VWC2L: variants seen among roughly 807,000 people sequenced by gnomAD.
VWC2L encodes von Willebrand factor C domain containing 2 like, also known as von Willebrand factor C domain-containing protein 2-like.
VWC2L carries 10 observed loss-of-function variants against 21.6 expected under a neutral mutation model. The ratio of observed to expected loss-of-function variants is 0.46; its 90% CI spans 0.29 to 0.78. The LOEUF is 0.78. Among genes scored for constraint, VWC2L ranks in the 30% least tolerant of loss-of-function variants. The pLI is 0.10. For missense variants in VWC2L, 209 were observed against 277.1 expected, an observed-to-expected ratio of 0.75 and a Z score of 1.74; for synonymous variants, 96 against 94.3, an observed-to-expected ratio of 1.02 and a Z score of -0.10.
Position 214,436,547 on chromosome 2 carries a change from G to A in VWC2L, c.391-82G>A. On this transcript the variant is annotated intron_variant, in intron 2 of 3. Coordinates refer to ENST00000312504, the MANE Select transcript of VWC2L (RefSeq NM_001080500.4). ...CAGTAAAGCCAATATAATAAGCACTGATGTTTTGTCTTCTGACAGCATATG... is the reference window on the plus strand; with the variant it reads ...CAGTAAAGCCAATATAATAAGCACTAATGTTTTGTCTTCTGACAGCATATG... 4 of 1,517,560 alleles carry A rather than the reference G, an allele frequency of 2.6e-6. No individual in the cohort carries two copies. In the East Asian group the frequency reaches 9.1e-5, roughly 34 times the overall value. 94.0% of individuals were successfully genotyped at this position (1,517,560 alleles called of 1,614,324 possible).
chr2:214,507,372 G>C (rs1220004150), intron 3 of VWC2L, among the ~76,000 whole-genome samples: 1 of 152,090 alleles, frequency 6.6e-6, no homozygotes, highest in Non-Finnish European at 1.5e-5. Context: ...GAATGACTTA[G>C]ACAAAGTAAT....
intron 3 of VWC2L, among the ~76,000 whole-genome samples, chr2:214,496,516 C>A (rs4378808): frequency 0.23 from 34,994 of 151,814 alleles, 4,184 homozygotes; most frequent in Admixed American, 0.26. Flanking sequence ...CATTGATAGA[C>A]CTCCTAATTA....
chr2:214,559,138 C>T (rs553783485), intron 3 of VWC2L, among the ~76,000 whole-genome samples: 7 of 150,586 alleles, frequency 4.6e-5, no homozygotes, highest in Non-Finnish European at 1.0e-4. Context: ...AGCAAATTTA[C>T]AAGAAAAAAA....
At chr2:214,512,284 A>G (rs886540904) in intron 3 of VWC2L, among the ~76,000 whole-genome samples, 1 of 152,196 alleles carries the variant, frequency 6.6e-6, no homozygotes, top group Admixed American at 6.5e-5. Flanking sequence ...GGTGATCAGA[A>G]TCATTTGCAT....
intron 3 of VWC2L, among the ~76,000 whole-genome samples, chr2:214,451,549 T>C (rs1041336555): frequency 2.1e-4 from 32 of 152,032 alleles, no homozygotes; most frequent in African/African-American, 7.7e-4. Flanking sequence ...AGGGAGATAG[T>C]ATTCAGGTTA....
intron 3 of VWC2L, among the ~76,000 whole-genome samples, chr2:214,521,280 A>T (rs74995246): frequency 0.092 from 13,576 of 147,042 alleles, 668 homozygotes; most frequent in East Asian, 0.13. Flanking sequence ...AATAAATAAA[A>T]CTACCAAGTT....
chr2:214,536,795 A>T (rs1323378047), intron 3 of VWC2L: 1 of 152,060 alleles, frequency 6.6e-6, no homozygotes, highest in Non-Finnish European at 1.5e-5. Context: ...CAAAGGCTTG[A>T]TGATCTCACT....
intron 3 of VWC2L, among the ~76,000 whole-genome samples, chr2:214,506,987 G>A (rs1007485346): frequency 6.8e-6 from 1 of 147,180 alleles, no homozygotes; most frequent in African/African-American, 2.5e-5. Flanking sequence ...TTTAAAAAAT[G>A]TTCTATGGAA....
At chr2:214,492,324 GGAACAGCTGTTCAAA>G (rs1268531226) in intron 3 of VWC2L, among the ~76,000 whole-genome samples, 2 of 152,160 alleles carry the variant, frequency 1.3e-5, no homozygotes, top group African/African-American at 4.8e-5. Context: ...GTGACAAAGG[GGAACAGCTGTTCAAA>G]GAACTCCACA....
intron 2 of VWC2L, among the ~76,000 whole-genome samples, chr2:214,435,855 G>A (rs1702671079): frequency 6.6e-6 from 1 of 152,068 alleles, no homozygotes; most frequent in Non-Finnish European, 1.5e-5. Flanking sequence ...TTTCTAGAAA[G>A]GAAATAGAAA....
intron 3 of VWC2L, among the ~76,000 whole-genome samples, chr2:214,478,969 T>G (rs1688564165): frequency 6.6e-6 from 1 of 152,200 alleles, no homozygotes; most frequent in African/African-American, 2.4e-5. Flanking sequence ...GATTAGGAAC[T>G]CATACTGCCA....
At chr2:214,452,007 GT>G (rs1346842654) in intron 3 of VWC2L, among the ~76,000 whole-genome samples, 1 of 152,060 alleles carries the variant, frequency 6.6e-6, no homozygotes, top group Non-Finnish European at 1.5e-5. Context: ...TTCCTTTATA[GT>G]TCTTCCCTCC....
chr2:214,415,523 T>G (rs961997699), intron 2 of VWC2L, among the ~76,000 whole-genome samples: 2 of 152,158 alleles, frequency 1.3e-5, no homozygotes, highest in African/African-American at 4.8e-5. Flanking sequence ...TAGCTAGTTT[T>G]CAGTGTGGGT....
chr2:214,520,056 T>TACACAC (rs1393314687), intron 3 of VWC2L, among the ~76,000 whole-genome samples: 4 of 32,238 alleles, frequency 1.2e-4, no homozygotes, highest in Non-Finnish European at 2.9e-4. Context: ...TTGCTCCTGT[T>TACACAC]ATACACACAC....
chr2:214,417,294 A>G (rs1349653954), intron 2 of VWC2L, among the ~76,000 whole-genome samples: 4 of 152,190 alleles, frequency 2.6e-5, no homozygotes, highest in Non-Finnish European at 2.9e-5. Flanking sequence ...TAGGATATCT[A>G]GAAACCAAAA....
At chr2:214,504,801 A>G (rs1313794488) in intron 3 of VWC2L, among the ~76,000 whole-genome samples, 2 of 152,168 alleles carry the variant, frequency 1.3e-5, no homozygotes, top group Admixed American at 6.5e-5. Flanking sequence ...TGGAGATGTG[A>G]TTCCCATTTT....
In VWC2L at chr2:214,542,582, A is replaced by G. The variant is rs116381626; in HGVS notation, c.521-33090A>G. On this transcript the variant is annotated intron_variant, in intron 3 of 3. Coordinates refer to ENST00000312504, the MANE Select transcript of VWC2L (RefSeq NM_001080500.4). ...AGCTGCCAAGGCCGACAGAATTCCTATTTTAGCTACTGTCCACCACGCAGT... is the reference window on the plus strand; with the variant it reads ...AGCTGCCAAGGCCGACAGAATTCCTGTTTTAGCTACTGTCCACCACGCAGT... Among the ~76,000 whole-genome samples the G allele has an allele frequency of 4.7e-3, 717 of 152,294 alleles. 6 individuals are homozygous for G. The highest frequency in any genetic ancestry group is 0.014 in the African/African-American group (592 of 41,566).
chr2:214,432,278 A>G (rs1702611341), intron 2 of VWC2L, among the ~76,000 whole-genome samples: 1 of 152,218 alleles, frequency 6.6e-6, no homozygotes, highest in African/African-American at 2.4e-5. Flanking sequence ...TGAACAGTAT[A>G]TTATAAGGAG....
chr2:214,414,219 G>A lies in VWC2L; in HGVS notation c.26G>A (p.Cys9Tyr). MALHIHEA[C>Y]ILLLVIPGLV... ...ATGGCTCTTCATATTCATGAAGCTT[G>A]CATACTTCTGTTGGTCATCCCTGGA... Residue 9 changes from cysteine (C) to tyrosine (Y), a missense_variant, in exon 2 of 4, where the codon TGC becomes TAC. Coordinates refer to ENST00000312504, the MANE Select transcript of VWC2L (RefSeq NM_001080500.4). 1 of 1,612,902 alleles carries A rather than the reference G, an allele frequency of 6.2e-7. No homozygotes were observed.
Sources: allele counts gnomAD v4.1 joint callset (sites outside exome capture counted in the v4.1 genomes callset), GRCh38; gene constraint gnomAD v4.1.1; transcripts MANE v1.5; gene names NCBI Gene and HGNC (gene_info 2026-07-23, HGNC 2026-07-21).